Variants in TIAM1 observed in about 807,000 individuals in gnomAD.
TIAM1 encodes the protein TIAM Rac1 associated GEF 1.
In TIAM1, 65 loss-of-function variants were observed where a neutral mutation model predicts 163.5. The observed-to-expected ratio is 0.40, with a 90% confidence interval of 0.33 to 0.49. TIAM1 has a LOEUF of 0.49. TIAM1 is among the 20% of genes least tolerant of loss of function. The pLI is 0.77. For synonymous variants in TIAM1, 833 were observed against 810.1 expected (o/e 1.03, Z -0.48); for missense variants, 1,789 against 2,044.7 (o/e 0.87, Z 2.41).
At chr21:31,201,920 T>C (rs762962652) in intron 12 of TIAM1, among the ~76,000 whole-genome samples, 7 of 152,334 alleles carry the variant, frequency 4.6e-5, no homozygotes, top group Admixed American at 2.6e-4. Flanking sequence ...ATAACAACCA[T>C]TGTAATTTAC....
intron 6 of TIAM1, among the ~76,000 whole-genome samples, chr21:31,240,867 G>A (rs769436886): frequency 5.3e-4 from 81 of 152,298 alleles, no homozygotes; most frequent in East Asian, 5.8e-4. Flanking sequence ...TCACTGATAC[G>A]GTTTGGCTGT....
intron 2 of TIAM1, among the ~76,000 whole-genome samples, chr21:31,294,609 T>C (rs1278100978): frequency 6.6e-6 from 1 of 152,198 alleles, no homozygotes; most frequent in Non-Finnish European, 1.5e-5. Context: ...AATGTTGGGC[T>C]TCACAGAAAA....
intron 2 of TIAM1, among the ~76,000 whole-genome samples, chr21:31,326,891 A>G (rs762086309): frequency 3.3e-5 from 5 of 152,216 alleles, no homozygotes; most frequent in Non-Finnish European, 7.3e-5. Flanking sequence ...GTAGACGGGT[A>G]TACTAACATC....
intron 15 of TIAM1, among the ~76,000 whole-genome samples, chr21:31,181,458 C>T (rs1260969922): frequency 6.9e-6 from 1 of 145,740 alleles, no homozygotes; most frequent in Non-Finnish European, 1.5e-5. Flanking sequence ...CACGCTGCTT[C>T]TAGTAGAATG....
At chr21:31,148,414 G>A (rs561598069) in intron 19 of TIAM1, among the ~76,000 whole-genome samples, 2 of 152,302 alleles carry the variant, frequency 1.3e-5, no homozygotes, top group East Asian at 1.9e-4. Context: ...CATGTAAGAT[G>A]TGACTTTGCT....
At chr21:31,148,084 G>A (rs1022995907) in intron 19 of TIAM1, among the ~76,000 whole-genome samples, 1 of 146,132 alleles carries the variant, frequency 6.8e-6, no homozygotes, top group South Asian at 2.2e-4. Flanking sequence ...CTCTTCTTAC[G>A]TGTTCTCCTT....
chr21:31,519,531 A>T (rs1189612752), intron 1 of TIAM1, among the ~76,000 whole-genome samples: 1 of 140,582 alleles, frequency 7.1e-6, no homozygotes, highest in Non-Finnish European at 1.6e-5. Flanking sequence ...AAAAAAAAAA[A>T]TTAAACAGAA....
At chr21:31,236,401 G>A (rs2088762858) in intron 6 of TIAM1, among the ~76,000 whole-genome samples, 1 of 152,238 alleles carries the variant, frequency 6.6e-6, no homozygotes, top group South Asian at 2.1e-4. Flanking sequence ...CTACGGTGTG[G>A]GGAAAACAGG....
chr21:31,496,775 T>C (rs1169743734), intron 1 of TIAM1, among the ~76,000 whole-genome samples: 2 of 152,124 alleles, frequency 1.3e-5, no homozygotes, highest in Admixed American at 1.3e-4. Context: ...AAGCACCCTA[T>C]ACGGGTGTAG....
At chr21:31,275,717 G>A (rs528478140) in intron 3 of TIAM1, among the ~76,000 whole-genome samples, 14 of 152,112 alleles carry the variant, frequency 9.2e-5, no homozygotes, top group South Asian at 4.2e-4. Flanking sequence ...GTTCAACACC[G>A]ACATTGCCTT....
At chr21:31,291,995 A>C (rs962194743) in intron 2 of TIAM1, among the ~76,000 whole-genome samples, 5 of 152,146 alleles carry the variant, frequency 3.3e-5, no homozygotes, top group African/African-American at 1.2e-4. Flanking sequence ...TTAGGGTCAA[A>C]ACCTTTCACC....
chr21:31,124,817 A>T (rs2082132811), intron 26 of TIAM1, 123 bp from the exon 27 acceptor site: 1 of 762,124 alleles, frequency 1.3e-6, no homozygotes, highest in East Asian at 2.9e-5. Flanking sequence ...TGAGGCCTTG[A>T]CTCCAATTTC....
At chr21:31,356,572 G>A (rs977613470) in intron 2 of TIAM1, among the ~76,000 whole-genome samples, 2 of 152,270 alleles carry the variant, frequency 1.3e-5, no homozygotes, top group African/African-American at 4.8e-5. Flanking sequence ...AAGAGGTCTC[G>A]GAGTTCATTC....
intron 16 of TIAM1, among the ~76,000 whole-genome samples, chr21:31,160,195 A>G (rs903216583): frequency 6.6e-6 from 1 of 152,252 alleles, no homozygotes; most frequent in African/African-American, 2.4e-5. Flanking sequence ...CCATTTAAGT[A>G]TAAAAGAGTA....
At chr21:31,344,693 C>T (rs1312495124), upstream of TIAM1, among the ~76,000 whole-genome samples, 2 of 152,146 alleles carry the variant, frequency 1.3e-5, no homozygotes, top group African/African-American at 4.8e-5. Context: ...GGCAGAAAAA[C>T]AGAAACCAAA....
At chr21:31,210,562 G>GAAAGAAAGA (rs2086681255) in intron 10 of TIAM1, among the ~76,000 whole-genome samples, 1 of 113,638 alleles carries the variant, frequency 8.8e-6, no homozygotes, top group South Asian at 2.8e-4. Flanking sequence ...AAGAAAGAAA[G>GAAAGAAAGA]AAAGAAAGAA....
chr21:31,125,751 T>C (rs2082172767), intron 26 of TIAM1, among the ~76,000 whole-genome samples: 1 of 152,198 alleles, frequency 6.6e-6, no homozygotes, highest in South Asian at 2.1e-4. Flanking sequence ...ACTTTTGTAT[T>C]TTTAGTGGAG....
intron 15 of TIAM1, among the ~76,000 whole-genome samples, chr21:31,175,421 G>A (rs1481974939): frequency 1.3e-5 from 2 of 152,192 alleles, no homozygotes; most frequent in Admixed American, 6.5e-5. Flanking sequence ...TGAAACTTCG[G>A]AAAGACACTA....
At chr21:31,180,008 C>A (rs150230496) in intron 15 of TIAM1, among the ~76,000 whole-genome samples, 1 of 149,896 alleles carries the variant, frequency 6.7e-6, no homozygotes, top group South Asian at 2.1e-4. Flanking sequence ...CGGGTTCAAG[C>A]GATTCTTTTG....
Sources: allele counts gnomAD v4.1 joint callset (sites outside exome capture counted in the v4.1 genomes callset), GRCh38; gene constraint gnomAD v4.1.1; transcripts MANE v1.5; gene names NCBI Gene and HGNC (gene_info 2026-07-23, HGNC 2026-07-21).